Variants in GALNT13 observed in about 807,000 individuals in gnomAD.
GALNT13 encodes UDP-GalNAc:polypeptide N-acetylgalactosaminyltransferase 13.
GALNT13 carries 28 observed loss-of-function variants against 64.2 expected under a neutral mutation model. That is an observed-to-expected ratio of 0.44 (90% CI 0.32 to 0.60). GALNT13 has a LOEUF of 0.60. Among genes scored for constraint, GALNT13 ranks in the 20% least tolerant of loss-of-function variants. The pLI, the probability that GALNT13 is intolerant of heterozygous loss-of-function variation, is 0.05. For synonymous variants in GALNT13, 214 were observed against 224.6 expected (o/e 0.95, Z 0.42); for missense variants, 577 against 669.8 (o/e 0.86, Z 1.53).
At chr2:153,955,957 C>T (rs936768743) in intron 3 of GALNT13, among the ~76,000 whole-genome samples, 1 of 152,170 alleles carries the variant, frequency 6.6e-6, no homozygotes, top group South Asian at 2.1e-4. Context: ...AAAATAAGAG[C>T]TTGGCCATTG....
chr2:154,415,922 T>C (rs1453097844), intron 11 of GALNT13, among the ~76,000 whole-genome samples: 1 of 152,096 alleles, frequency 6.6e-6, no homozygotes, highest in East Asian at 1.9e-4. Context: ...TTTCACAGAG[T>C]AAATTTGCAA....
chr2:153,416,749 C>T, the GALNT13 span, among the ~76,000 whole-genome samples: 1 of 152,194 alleles, frequency 6.6e-6, no homozygotes, highest in Non-Finnish European at 1.5e-5. Context: ...AGATACTCCT[C>T]TATGTGATAT....
chr2:154,169,143 A>G (rs1685210593), intron 4 of GALNT13, among the ~76,000 whole-genome samples: 1 of 152,084 alleles, frequency 6.6e-6, no homozygotes, highest in African/African-American at 2.4e-5. Context: ...GACATTAATC[A>G]TGAGGGATCC....
At chr2:153,984,915 T>C (rs1694694644) in intron 3 of GALNT13, among the ~76,000 whole-genome samples, 1 of 151,940 alleles carries the variant, frequency 6.6e-6, no homozygotes, top group Admixed American at 6.6e-5. Flanking sequence ...GTATTTTTCA[T>C]CTCTACAAGG....
At chr2:154,237,820 T>A (rs1689278673) in intron 4 of GALNT13, among the ~76,000 whole-genome samples, 1 of 151,792 alleles carries the variant, frequency 6.6e-6, no homozygotes, top group Admixed American at 6.6e-5. Flanking sequence ...CACTATTTTT[T>A]CAAAAATATT....
At chr2:154,231,847 T>A (rs1379994187) in intron 4 of GALNT13, among the ~76,000 whole-genome samples, 4 of 151,372 alleles carry the variant, frequency 2.6e-5, no homozygotes, top group Admixed American at 6.6e-5. Context: ...TTTGTATAGA[T>A]TTTTAAAAAT....
the GALNT13 span, chr2:153,478,638 T>G: frequency 1.6e-6 from 2 of 1,254,444 alleles, no homozygotes; most frequent in South Asian, 1.5e-5. Context: ...GAGGAACAGG[T>G]GCCGGGCTGA....
chr2:153,309,989 C>G, the GALNT13 span, among the ~76,000 whole-genome samples: 1 of 152,126 alleles, frequency 6.6e-6, no homozygotes, highest in Non-Finnish European at 1.5e-5. Flanking sequence ...AAAACATGGT[C>G]TATACTCATA....
At chr2:154,355,650 C>T (rs1390153802) in intron 9 of GALNT13, among the ~76,000 whole-genome samples, 2 of 151,886 alleles carry the variant, frequency 1.3e-5, no homozygotes, top group Non-Finnish European at 2.9e-5. Context: ...AACTGATAAC[C>T]CCAGAGTTTA....
At chr2:154,273,083 A>G (rs1208621808) in intron 8 of GALNT13, among the ~76,000 whole-genome samples, 1 of 152,172 alleles carries the variant, frequency 6.6e-6, no homozygotes, top group Non-Finnish European at 1.5e-5. Flanking sequence ...AACTTATGCT[A>G]GAGGGAGACC....
intron 3 of GALNT13, among the ~76,000 whole-genome samples, chr2:154,089,630 A>G (rs960648339): frequency 6.6e-5 from 10 of 152,058 alleles, no homozygotes; most frequent in African/African-American, 1.7e-4. Flanking sequence ...AGGGAGCCCT[A>G]TTGTTCTTGG....
chr2:153,171,680 G>T, the GALNT13 span, among the ~76,000 whole-genome samples: 1 of 152,140 alleles, frequency 6.6e-6, no homozygotes, highest in African/African-American at 2.4e-5. Context: ...CTGTAACCTG[G>T]CTAAGGATGG....
chr2:154,298,913 CTT>C (rs1262004174), intron 8 of GALNT13, among the ~76,000 whole-genome samples: 6 of 138,470 alleles, frequency 4.3e-5, no homozygotes, highest in Non-Finnish European at 7.7e-5. Context: ...TCATTAGAAT[CTT>C]AATTGTCTTT....
the GALNT13 span, among the ~76,000 whole-genome samples, chr2:153,458,461 C>T: frequency 6.6e-6 from 1 of 152,130 alleles, no homozygotes; most frequent in East Asian, 1.9e-4. Flanking sequence ...TCCTACTTCT[C>T]TTTCATGGTC....
the GALNT13 span, among the ~76,000 whole-genome samples, chr2:153,142,779 C>T: frequency 6.6e-6 from 1 of 151,912 alleles, no homozygotes; most frequent in African/African-American, 2.4e-5. Flanking sequence ...GGCCAATTCC[C>T]AAAGCTTTGT....
At chr2:153,817,264 G>T in the GALNT13 span, among the ~76,000 whole-genome samples, 2 of 152,200 alleles carry the variant, frequency 1.3e-5, no homozygotes, top group African/African-American at 2.4e-5. Flanking sequence ...TTTACCCACT[G>T]ACAAAGACTC....
chr2:154,335,990 T>C (rs1263818988), intron 9 of GALNT13, among the ~76,000 whole-genome samples: 2 of 152,076 alleles, frequency 1.3e-5, no homozygotes, highest in Non-Finnish European at 2.9e-5. Flanking sequence ...GTTAGAAATC[T>C]TTTAGGAATT....
At chr2:154,337,123 T>G (rs1695499631) in intron 9 of GALNT13, among the ~76,000 whole-genome samples, 1 of 152,114 alleles carries the variant, frequency 6.6e-6, no homozygotes, top group Non-Finnish European at 1.5e-5. Flanking sequence ...ATAACAGGTA[T>G]TCCAAGTTAG....
At chr2:154,213,850 A>G (rs1687906530) in intron 4 of GALNT13, among the ~76,000 whole-genome samples, 1 of 152,200 alleles carries the variant, frequency 6.6e-6, no homozygotes, top group African/African-American at 2.4e-5. Context: ...CTCATGTTAG[A>G]ATTTATTCAT....
Sources: allele counts gnomAD v4.1 joint callset (sites outside exome capture counted in the v4.1 genomes callset), GRCh38; gene constraint gnomAD v4.1.1; transcripts MANE v1.5; gene names NCBI Gene and HGNC (gene_info 2026-07-23, HGNC 2026-07-21).